The following KNL1 variants were observed in gnomAD, a reference collection of about 807,000 sequenced individuals.
KNL1 encodes kinetochore scaffold 1.
KNL1 carries 66 observed loss-of-function variants against 201.3 expected under a neutral mutation model. That is an observed-to-expected ratio of 0.33 (90% confidence interval 0.27 to 0.40). The LOEUF (loss-of-function observed/expected upper bound fraction) is 0.40, where lower values mean the gene tolerates loss of function less well. Ranked by LOEUF, KNL1 falls within the 10% of genes least tolerant of loss-of-function variation. KNL1 has a pLI of 1.00. For missense variants in KNL1, 2,815 were observed against 2,690.5 expected (o/e 1.05, Z -1.02); for synonymous variants, 895 against 899.2 (o/e 1.00, Z 0.08).
intron 1 of KNL1, among the ~76,000 whole-genome samples, chr15:40,594,788 T>A (rs760415833): frequency 1.2e-4 from 19 of 152,120 alleles, no homozygotes; most frequent in Non-Finnish European, 2.2e-4. Context: ...TCACTTAAGC[T>A]TTTTTTGGCT....
At chr15:40,661,240 C>A (rs1893899023) in intron 25 of KNL1, among the ~76,000 whole-genome samples, 1 of 152,058 alleles carries the variant, frequency 6.6e-6, no homozygotes, top group Admixed American at 6.6e-5. Flanking sequence ...TGCCTGTAAT[C>A]CCAGCACTTT....
In KNL1 at chr15:40,631,936, G is replaced by A. The variant is rs147288952; in HGVS notation, c.5682+2565G>A. On this transcript the variant is annotated intron_variant, in intron 13 of 25. Coordinates refer to ENST00000399668, the MANE Select transcript of KNL1 (RefSeq NM_144508.5). ...TCATGGGAGGATCTCTTGAGCCCAG[G>A]GGTTCAAGGCTGCAGTGAGCTATGA... is the stretch of plus-strand genomic sequence containing the variant. Among the ~76,000 whole-genome samples the A allele has an allele frequency of 4.2e-3, 630 of 151,702 alleles. 6 individuals carry two copies. Among genetic ancestry groups the A allele is most frequent in the African/African-American group, 0.014 (597 of 41,356 alleles).
At chr15:40,630,954 A>G (rs898154064) in intron 13 of KNL1, among the ~76,000 whole-genome samples, 1 of 151,940 alleles carries the variant, frequency 6.6e-6, no homozygotes, top group African/African-American at 2.4e-5. Context: ...ACCCGTCTCT[A>G]AAACAATACA....
At chr15:40,612,367 C>G (rs1892196508) in intron 7 of KNL1, among the ~76,000 whole-genome samples, 1 of 151,610 alleles carries the variant, frequency 6.6e-6, no homozygotes, top group Non-Finnish European at 1.5e-5. Context: ...GGCACTGTGC[C>G]TGTAATCCCA....
intron 6 of KNL1, among the ~76,000 whole-genome samples, chr15:40,610,511 A>G (rs756671525): frequency 6.6e-6 from 1 of 152,160 alleles, no homozygotes; most frequent in Non-Finnish European, 1.5e-5. Context: ...CAACCTGGAT[A>G]GCATAGTGAG....
At chr15:40,631,199 A>G (rs995571568) in intron 13 of KNL1, among the ~76,000 whole-genome samples, 5 of 152,098 alleles carry the variant, frequency 3.3e-5, no homozygotes, top group Non-Finnish European at 7.4e-5. Flanking sequence ...TCCTGAGACT[A>G]TCCCCTCTTC....
At chr15:40,601,527 A>G (rs1055666949) in intron 1 of KNL1, among the ~76,000 whole-genome samples, 2 of 152,102 alleles carry the variant, frequency 1.3e-5, no homozygotes, top group African/African-American at 4.8e-5. Flanking sequence ...TAATTATAAT[A>G]GTGGTTTAAA....
rs757064734 is a variant in KNL1 at position 40,651,462 on chromosome 15, T to G, written c.6213-9T>G. The G allele has an allele frequency of 1.3e-6, 2 of 1,579,396 alleles. No individual in the cohort carries two copies. Among genetic ancestry groups the G allele is most frequent in the Non-Finnish European group, 1.7e-6 (2 of 1,164,268 alleles). On this transcript the variant is annotated splice_polypyrimidine_tract_variant and intron_variant, in intron 19 of 25. Transcript: ENST00000399668. ...CCTTATCTCTCTGAATACCTGCTTT[T>G]ATTTGCAGAAATCTCTTAGAACTGG...
chr15:40,599,493 C>G (rs190144478), intron 1 of KNL1, among the ~76,000 whole-genome samples: 2 of 151,034 alleles, frequency 1.3e-5, no homozygotes, highest in African/African-American at 4.9e-5. Flanking sequence ...AAGCGATCCT[C>G]CCACCTCAGC....
intron 13 of KNL1, among the ~76,000 whole-genome samples, chr15:40,632,774 C>G (rs1286749064): frequency 1.3e-5 from 2 of 151,888 alleles, no homozygotes; most frequent in Admixed American, 1.3e-4. Flanking sequence ...AATCTTAGCA[C>G]TTTGAGGGGC....
chr15:40,641,740 G>C (rs1893235014), intron 14 of KNL1, among the ~76,000 whole-genome samples: 1 of 152,184 alleles, frequency 6.6e-6, no homozygotes, highest in Admixed American at 6.5e-5. Flanking sequence ...AAACACTTCT[G>C]GTCCCAAGCA....
rs1893756906 is a variant in KNL1 at position 40,657,087 on chromosome 15, T to A, written c.6530T>A (p.Phe2177Tyr). 4 of 1,608,968 alleles carry A rather than the reference T, an allele frequency of 2.5e-6. No individual in the cohort carries two copies. The South Asian group carries it at 3.3e-5, about 13-fold the overall frequency. ...PSSLLVHKLI[F>Y]QYVEEKESWK... ...TCCCTTTTAGTTCATAAGCTTATTT[T>A]CCAGTACGTTGAAGAAAAGGAATCC... The change falls in exon 23 of 26, where the codon TTC (phenylalanine) becomes TAC (tyrosine). Residue 2177 changes from phenylalanine to tyrosine, a missense_variant. Phe to Tyr is a conservative substitution (Grantham distance 22, BLOSUM62 3). This residue lies in a region of KNL1 where 334 missense variants were observed against 362.6 expected (regional missense o/e 0.92). Coordinates refer to ENST00000399668, the MANE Select transcript of KNL1 (RefSeq NM_144508.5).
At chr15:40,607,320 C>A (rs1892008780) in intron 4 of KNL1, among the ~76,000 whole-genome samples, 1 of 152,040 alleles carries the variant, frequency 6.6e-6, no homozygotes. Flanking sequence ...GATCAGTATT[C>A]TTTTTTTTCA....
Position 40,657,139 on chromosome 15 carries a change from T to C in KNL1, c.6582T>C (p.His2194=). 6.3e-7 allele frequency: 1 copy of C among 1,591,342 alleles called. No homozygotes were observed. The highest frequency in any genetic ancestry group is 2.2e-5 in the East Asian group (1 of 44,750). Reference sequence around the variant, plus strand: ...GGAAGAAGACATGTACAACCCAGCATCAGTTACCCAAGGTAAAGCCCGATT... The same window carrying C: ...GGAAGAAGACATGTACAACCCAGCACCAGTTACCCAAGGTAAAGCCCGATT... ...ESWKKTCTTQ[H]QLPKMLEEFS... The change falls in exon 23 of 26, where the codon CAT becomes CAC. Residue 2194 remains histidine (H), a synonymous_variant. Coordinates refer to ENST00000399668, the MANE Select transcript of KNL1 (RefSeq NM_144508.5).
At position 40,635,524 on chromosome 15, in the gene KNL1, T is replaced by C. The variant is rs144661035; in HGVS notation, c.5683-5388T>C. The stretch of plus-strand genomic sequence containing the variant: ...CATACACCACCACGCCTGGCTAATT[T>C]TGTATTTTTAGTAGAGGCAGGGTTT... On this transcript the variant is annotated intron_variant, in intron 13 of 25. Transcript: ENST00000399668. Among the ~76,000 whole-genome samples, 986 of 152,066 alleles carry C rather than the reference T, an allele frequency of 6.5e-3. 12 individuals are homozygous for C. Among genetic ancestry groups the C allele is most frequent in the African/African-American group, 0.023 (938 of 41,472 alleles).
At chr15:40,639,349 G>A (rs1473680633) in intron 13 of KNL1, among the ~76,000 whole-genome samples, 1 of 151,390 alleles carries the variant, frequency 6.6e-6, no homozygotes, top group East Asian at 2.0e-4. Context: ...ACTTTGGGAA[G>A]CCGAGGTGGG....
rs1340995875 is a variant in KNL1, at chr15:40,632,400, G to A, written c.5682+3029G>A. Among the ~76,000 whole-genome samples, 4 of 152,052 alleles carry A rather than the reference G, an allele frequency of 2.6e-5. No individual in the cohort carries two copies. The East Asian group carries it at 5.8e-4, about 22-fold the overall frequency. On this transcript the variant is annotated intron_variant, in intron 13 of 25. Coordinates refer to ENST00000399668, the MANE Select transcript of KNL1 (RefSeq NM_144508.5). ...GAGGCAGGAGGATTGCTTGACCCTA[G>A]GAATTTGAGACCAGACCAGGCAACA...
intron 7 of KNL1, among the ~76,000 whole-genome samples, chr15:40,612,493 A>G (rs1892201798): frequency 6.6e-6 from 1 of 151,674 alleles, no homozygotes; most frequent in Admixed American, 6.6e-5. Context: ...CTCTGTCTCC[A>G]AAAAAGAGGT....
intron 12 of KNL1, among the ~76,000 whole-genome samples, chr15:40,628,920 G>T (rs1892825568): frequency 6.6e-6 from 1 of 152,048 alleles, no homozygotes; most frequent in South Asian, 2.1e-4. Flanking sequence ...TGTTATCTCA[G>T]CAACATGGTG....
Sources: allele counts gnomAD v4.1 joint callset (sites outside exome capture counted in the v4.1 genomes callset), GRCh38; gene constraint gnomAD v4.1.1; regional missense constraint gnomAD v4.1.1; transcripts MANE v1.5; gene names NCBI Gene and HGNC (gene_info 2026-07-23, HGNC 2026-07-21).